Variants in LRMDA observed in about 807,000 individuals in gnomAD.
LRMDA encodes leucine rich melanocyte differentiation associated.
In LRMDA, 18 loss-of-function variants were observed where a neutral mutation model predicts 29.8. The observed-to-expected ratio is 0.60, with a 90% CI of 0.42 to 0.90. The LOEUF (loss-of-function observed/expected upper bound fraction) is 0.90. LRMDA is among the 40% of genes least tolerant of loss of function. The pLI is 0.00. For synonymous variants in LRMDA, 125 were observed against 109.4 expected, an observed-to-expected ratio of 1.14 and a Z score of -0.89; for missense variants, 273 against 273.9, an observed-to-expected ratio of 1.00 and a Z score of 0.02.
intron 5 of LRMDA, among the ~76,000 whole-genome samples, chr10:76,241,161 T>A (rs1852271061): frequency 6.6e-6 from 1 of 152,112 alleles, no homozygotes; most frequent in South Asian, 2.1e-4. Context: ...AGGTACAGTG[T>A]ACACTTTGCA....
intron 5 of LRMDA, among the ~76,000 whole-genome samples, chr10:76,193,641 C>T (rs535089408): frequency 6.6e-6 from 1 of 152,218 alleles, no homozygotes; most frequent in African/African-American, 2.4e-5. Context: ...CTTCTAGTAG[C>T]TGTGCAATCT....
At chr10:76,040,601 G>A (rs1190438834) in intron 3 of LRMDA, among the ~76,000 whole-genome samples, 3 of 151,950 alleles carry the variant, frequency 2.0e-5, no homozygotes, top group Non-Finnish European at 4.4e-5. Flanking sequence ...ACCCAACCAC[G>A]AGCATGCACA....
At chr10:76,091,177 A>G (rs1389927089) in intron 5 of LRMDA, among the ~76,000 whole-genome samples, 1 of 152,178 alleles carries the variant, frequency 6.6e-6, no homozygotes, top group African/African-American at 2.4e-5. Context: ...GTTGTAAAAT[A>G]GCGAGTACTC....
intron 5 of LRMDA, among the ~76,000 whole-genome samples, chr10:76,091,658 C>T (rs980969405): frequency 1.3e-5 from 2 of 151,964 alleles, no homozygotes. Context: ...GCCATGCATC[C>T]CCCTCCCACC....
chr10:75,479,316 C>T (rs1298291851), intron 2 of LRMDA, among the ~76,000 whole-genome samples: 1 of 151,908 alleles, frequency 6.6e-6, no homozygotes, highest in East Asian at 1.9e-4. Flanking sequence ...GACCATCCTA[C>T]ATAACACGGT....
At chr10:76,137,178 C>T (rs922352676) in intron 5 of LRMDA, among the ~76,000 whole-genome samples, 3 of 152,220 alleles carry the variant, frequency 2.0e-5, no homozygotes, top group African/African-American at 7.2e-5. Flanking sequence ...CCTTCTTGGA[C>T]ATTCCCATCC....
At chr10:76,413,510 A>G (rs889272688) in intron 6 of LRMDA, among the ~76,000 whole-genome samples, 3 of 152,110 alleles carry the variant, frequency 2.0e-5, no homozygotes, top group African/African-American at 7.2e-5. Flanking sequence ...CTTACTCACT[A>G]CCATGAGAAC....
intron 6 of LRMDA, among the ~76,000 whole-genome samples, chr10:76,421,559 T>C (rs1251493130): frequency 1.3e-5 from 2 of 152,206 alleles, no homozygotes; most frequent in Non-Finnish European, 2.9e-5. Flanking sequence ...ACAGCCGCCC[T>C]TTTTCTAATA....
At chr10:76,081,146 G>T (rs1174031385) in intron 5 of LRMDA, among the ~76,000 whole-genome samples, 1 of 152,204 alleles carries the variant, frequency 6.6e-6, no homozygotes, top group African/African-American at 2.4e-5. Context: ...CTTCTAGTTA[G>T]CAGTAGTCAC....
At chr10:75,644,257 G>T (rs1589144339) in intron 2 of LRMDA, among the ~76,000 whole-genome samples, 1 of 152,272 alleles carries the variant, frequency 6.6e-6, no homozygotes, top group Non-Finnish European at 1.5e-5. Flanking sequence ...CCAGATACAA[G>T]GTTTGAAGGA....
chr10:75,731,898 C>T lies in LRMDA; in HGVS notation c.131+293404C>T, dbSNP rs184648078. ...TTTTCATAATGACATTGAAAAAATC[C>T]GAAGTATATGCATTAAATTCTAACA... On this transcript the variant is annotated intron_variant, in intron 2 of 6. Coordinates refer to ENST00000611255, the MANE Select transcript of LRMDA (RefSeq NM_001305581.2). Among the ~76,000 whole-genome samples the T allele has an allele frequency of 1.4e-4, 22 of 152,136 alleles. No individual in the cohort carries two copies. The East Asian group carries it at 1.5e-3, about 11-fold the overall frequency.
chr10:75,449,547 C>A (rs1028875662), intron 2 of LRMDA, among the ~76,000 whole-genome samples: 11 of 142,632 alleles, frequency 7.7e-5, no homozygotes, highest in Non-Finnish European at 1.1e-4. Context: ...TTTTTTGAAT[C>A]ATTAAAGCCT....
intron 2 of LRMDA, among the ~76,000 whole-genome samples, chr10:75,770,655 G>A (rs980968989): frequency 6.6e-6 from 1 of 152,146 alleles, no homozygotes; most frequent in African/African-American, 2.4e-5. Context: ...AAACCATATT[G>A]GCCTTGTGGA....
At chr10:75,563,623 C>T (rs1184136735) in intron 2 of LRMDA, among the ~76,000 whole-genome samples, 1 of 152,128 alleles carries the variant, frequency 6.6e-6, no homozygotes, top group African/African-American at 2.4e-5. Flanking sequence ...TTAGAGTTTC[C>T]AGTTTTACTG....
At chr10:76,528,601 T>G (rs1394306631) in intron 6 of LRMDA, among the ~76,000 whole-genome samples, 1 of 152,176 alleles carries the variant, frequency 6.6e-6, no homozygotes, top group Non-Finnish European at 1.5e-5. Context: ...ATATAGTCTT[T>G]ATGAAAATAG....
At chr10:75,790,180 G>A (rs1460133661) in intron 2 of LRMDA, among the ~76,000 whole-genome samples, 7 of 152,082 alleles carry the variant, frequency 4.6e-5, no homozygotes, top group Admixed American at 3.9e-4. Context: ...GCCGTCCTGT[G>A]CATTGTAGGG....
chr10:76,333,227 C>T (rs1015807252), intron 6 of LRMDA, among the ~76,000 whole-genome samples: 3 of 152,130 alleles, frequency 2.0e-5, no homozygotes, highest in Non-Finnish European at 2.9e-5. Flanking sequence ...AGGATAGGTC[C>T]ACATTATGGC....
intron 6 of LRMDA, among the ~76,000 whole-genome samples, chr10:76,506,470 G>A (rs916438449): frequency 1.3e-5 from 2 of 151,980 alleles, no homozygotes; most frequent in Non-Finnish European, 2.9e-5. Flanking sequence ...CAGGAGGCTG[G>A]GGCGACAAGA....
chr10:75,457,214 A>G (rs917569859), intron 2 of LRMDA, among the ~76,000 whole-genome samples: 3 of 152,250 alleles, frequency 2.0e-5, no homozygotes, highest in African/African-American at 7.2e-5. Flanking sequence ...TTGCCTGACT[A>G]CAAAGTCGAC....
Sources: allele counts gnomAD v4.1 joint callset (sites outside exome capture counted in the v4.1 genomes callset), GRCh38; gene constraint gnomAD v4.1.1; transcripts MANE v1.5; gene names NCBI Gene and HGNC (gene_info 2026-07-23, HGNC 2026-07-21).